VMP1: variants seen among roughly 807,000 people sequenced by gnomAD.
VMP1 encodes the protein ectopic P-granules autophagy protein 3 homolog.
In VMP1, 11 loss-of-function variants were observed where a neutral mutation model predicts 56.0. The ratio of observed to expected loss-of-function variants is 0.20; its 90% CI spans 0.12 to 0.32. The LOEUF (loss-of-function observed/expected upper bound fraction) is 0.32. Ranked by LOEUF, VMP1 falls within the 10% of genes least tolerant of loss-of-function variation. The pLI is 1.00. For synonymous variants in VMP1, 149 were observed against 165.0 expected (o/e 0.90, Z 0.74); for missense variants, 296 against 490.3 (o/e 0.60, Z 3.74).
At chr17:59,768,606 GA>G (rs1156664300) in intron 6 of VMP1, among the ~76,000 whole-genome samples, 1 of 148,396 alleles carries the variant, frequency 6.7e-6, no homozygotes, top group Non-Finnish European at 1.5e-5. Context: ...CCATCTCAAA[GA>G]AAAAAAAACA....
At chr17:59,737,384 A>G in intron 3 of VMP1, 69 bp from the exon 4 acceptor site, 3 of 1,496,784 alleles carry the variant, frequency 2.0e-6, no homozygotes, top group Admixed American at 1.9e-5. Context: ...TCAGCAAGAA[A>G]TTGTTCTGAG....
chr17:59,776,850 C>G (rs1170075057), intron 7 of VMP1, among the ~76,000 whole-genome samples: 1 of 152,164 alleles, frequency 6.6e-6, no homozygotes, highest in Non-Finnish European at 1.5e-5. Context: ...TTTGCTATGA[C>G]TTGGATTCCA....
intron 7 of VMP1, among the ~76,000 whole-genome samples, chr17:59,792,419 G>A (rs1341013572): frequency 6.6e-6 from 1 of 152,094 alleles, no homozygotes; most frequent in Admixed American, 6.5e-5. Context: ...ATTCCATACA[G>A]ACTTAGTTTT....
chr17:59,773,805 G>A lies in VMP1; in HGVS notation c.634G>A (p.Ala212Thr). 1.9e-6 allele frequency: 3 copies of A among 1,613,686 alleles called. No homozygotes were observed. The highest frequency in any genetic ancestry group is 2.5e-6 in the Non-Finnish European group (3 of 1,179,878). Residue 212 changes from alanine to threonine, a missense_variant, in exon 7 of 12, where the codon GCT (alanine) becomes ACT (threonine). Coordinates refer to ENST00000262291, the MANE Select transcript of VMP1 (RefSeq NM_030938.5). ...ELPPYFMARA[A>T]RLSGAEPDDE... ...GCCTCCATATTTCATGGCCAGAGCA[G>A]CTCGCCTCTCAGGTGCTGAACCAGA...
rs1457615368 is a variant in VMP1, at chr17:59,809,548, C to G, written c.795+672C>G. Among the ~76,000 whole-genome samples, 8 of 123,706 alleles carry G rather than the reference C, an allele frequency of 6.5e-5. 2 individuals are homozygous for G. Among genetic ancestry groups the G allele is most frequent in the African/African-American group, 2.9e-4 (8 of 27,612 alleles). The allele number at this position is 123,706 out of a possible 152,430, so 81.2% of individuals were successfully genotyped here. A position where few individuals can be genotyped will look rare whatever the true frequency, so the allele number is the denominator to read the frequency against. On this transcript the variant is annotated intron_variant, in intron 8 of 11. Coordinates refer to ENST00000262291, the MANE Select transcript of VMP1 (RefSeq NM_030938.5). ...TTGAGACGGAGTCTCGCTCTGTCGC[C>G]CAGGCGGTAGTGCAGTGGCGGGATC... is the stretch of plus-strand genomic sequence containing the variant.
At chr17:59,738,069 A>G (rs2035082842) in intron 4 of VMP1, among the ~76,000 whole-genome samples, 1 of 152,108 alleles carries the variant, frequency 6.6e-6, no homozygotes, top group South Asian at 2.1e-4. Context: ...CCTGTAATCA[A>G]AGATTTAAAT....
chr17:59,743,710 T>C (rs1056766813), intron 5 of VMP1, among the ~76,000 whole-genome samples: 1 of 151,758 alleles, frequency 6.6e-6, no homozygotes, highest in Non-Finnish European at 1.5e-5. Flanking sequence ...TACTAATATA[T>C]AGAAAAAACT....
intron 1 of VMP1, among the ~76,000 whole-genome samples, chr17:59,717,125 G>A (rs1264001793): frequency 6.6e-6 from 1 of 151,614 alleles, no homozygotes; most frequent in Non-Finnish European, 1.5e-5. Flanking sequence ...GACTACTGGC[G>A]CCCACCACCA....
intron 6 of VMP1, among the ~76,000 whole-genome samples, chr17:59,766,301 C>G (rs976236300): frequency 1.3e-5 from 2 of 152,050 alleles, no homozygotes; most frequent in Non-Finnish European, 2.9e-5. Flanking sequence ...GCCAGGAGTT[C>G]GAGATCAGCC....
At position 59,712,783 on chromosome 17, in the gene VMP1, T is replaced by C. The variant is rs2033981713; in HGVS notation, c.-27+5035T>C. Among the ~76,000 whole-genome samples the C allele has an allele frequency of 2.0e-5, 3 of 152,136 alleles. No individual in the cohort carries two copies. The South Asian group carries it at 6.2e-4, about 32-fold the overall frequency. On this transcript the variant is annotated intron_variant, in intron 1 of 11. Transcript: ENST00000262291. ...AGTTTGAATTTGATTTTGAGTGCAGTAGGAAATCATTCTACAATTTTAAGT... is the reference window on the plus strand; with the variant it reads ...AGTTTGAATTTGATTTTGAGTGCAGCAGGAAATCATTCTACAATTTTAAGT...
chr17:59,763,222 T>C (rs1213136077), intron 5 of VMP1, among the ~76,000 whole-genome samples: 2 of 152,096 alleles, frequency 1.3e-5, no homozygotes, highest in African/African-American at 4.8e-5. Context: ...TATGCAGTTA[T>C]TCTGAATATC....
chr17:59,733,558 C>T (rs1175198589), intron 2 of VMP1, among the ~76,000 whole-genome samples: 2 of 151,736 alleles, frequency 1.3e-5, no homozygotes, highest in South Asian at 2.1e-4. Flanking sequence ...AAAAACTAGC[C>T]GGGCGTGGTG....
At chr17:59,712,921 A>G (rs1321413130) in intron 1 of VMP1, among the ~76,000 whole-genome samples, 1 of 152,186 alleles carries the variant, frequency 6.6e-6, no homozygotes, top group African/African-American at 2.4e-5. Context: ...GCATAGTCCA[A>G]GAAGAAGATG....
At chr17:59,757,080 T>C (rs2035866529) in intron 5 of VMP1, among the ~76,000 whole-genome samples, 1 of 152,198 alleles carries the variant, frequency 6.6e-6, no homozygotes, top group African/African-American at 2.4e-5. Context: ...TTTACTAATA[T>C]GATTTTTTCA....
chr17:59,835,983 A>AT (rs1207291310), intron 10 of VMP1, among the ~76,000 whole-genome samples: 1 of 150,596 alleles, frequency 6.6e-6, no homozygotes, highest in Non-Finnish European at 1.5e-5. Flanking sequence ...ATAAGGAAAG[A>AT]TTACTAGTCT....
Position 59,842,169 on chromosome 17 carries a change from A to T in VMP1, c.*2258A>T, listed in dbSNP as rs2039176626. ...CACAGTACCTACTTAATTCCAGCTG[A>T]TGGGAGACCAAAGAATTTGCAAGTG... is the stretch of plus-strand genomic sequence containing the variant. On this transcript the variant is annotated 3_prime_UTR_variant, in exon 12 of 12. Coordinates refer to ENST00000262291, the MANE Select transcript of VMP1 (RefSeq NM_030938.5). 6.6e-6 allele frequency: 1 copy of T among 152,164 alleles called. No homozygotes were observed. The highest frequency in any genetic ancestry group is 1.5e-5 in the Non-Finnish European group (1 of 68,030). 9.4% of individuals were successfully genotyped at this position (152,164 alleles called of 1,614,324 possible).
At chr17:59,732,977 G>A (rs1438727067) in intron 2 of VMP1, among the ~76,000 whole-genome samples, 1 of 152,106 alleles carries the variant, frequency 6.6e-6, no homozygotes, top group Non-Finnish European at 1.5e-5. Context: ...AGACCAGCCA[G>A]GACAACACAG....
In VMP1 at chr17:59,840,918, T is replaced by G. The variant is rs1200252252; in HGVS notation, c.*1007T>G. On this transcript the variant is annotated 3_prime_UTR_variant, in exon 12 of 12. Coordinates refer to ENST00000262291, the MANE Select transcript of VMP1 (RefSeq NM_030938.5). ...CACTCTGTCGTATCTGTGTTAATGT[T>G]TTCTAGCATGTACTCTGGTTTCAAC... 2 of 159,790 alleles carry G rather than the reference T, an allele frequency of 1.3e-5. No individual in the cohort carries two copies. The highest frequency in any genetic ancestry group is 2.8e-5 in the Non-Finnish European group (2 of 71,994). The allele number at this position is 159,790 out of a possible 1,614,324, so 9.9% of individuals were successfully genotyped here. A position where few individuals can be genotyped will look rare whatever the true frequency, so the allele number is the denominator to read the frequency against.
chr17:59,713,762 G>T (rs2034032790), intron 1 of VMP1, among the ~76,000 whole-genome samples: 1 of 149,838 alleles, frequency 6.7e-6, no homozygotes, highest in Non-Finnish European at 1.5e-5. Context: ...GTATCTTAGG[G>T]CTGGGCACAA....
Sources: allele counts gnomAD v4.1 joint callset (sites outside exome capture counted in the v4.1 genomes callset), GRCh38; gene constraint gnomAD v4.1.1; transcripts MANE v1.5; gene names NCBI Gene and HGNC (gene_info 2026-07-23, HGNC 2026-07-21).